MCF2L: variants seen among roughly 807,000 people sequenced by gnomAD.
MCF2L encodes the protein guanine nucleotide exchange factor DBS.
In MCF2L, 97 loss-of-function variants were observed where a neutral mutation model predicts 153.4. The observed-to-expected ratio is 0.63, with a 90% CI of 0.54 to 0.75. MCF2L has a LOEUF of 0.75. MCF2L is among the 30% of genes least tolerant of loss of function. The pLI is 0.00. For synonymous variants in MCF2L, 659 were observed against 632.2 expected (o/e 1.04, Z -0.64); for missense variants, 1,347 against 1,495.2 (o/e 0.90, Z 1.64).
intron 1 of MCF2L, among the ~76,000 whole-genome samples, chr13:112,898,115 C>T (rs1238136093): frequency 3.3e-5 from 5 of 152,240 alleles, no homozygotes; most frequent in Admixed American, 2.6e-4. Context: ...TGGCGATTTA[C>T]AGTGGATGAC....
chr13:113,090,242 C>G lies in MCF2L; in HGVS notation c.2953+514C>G. On this transcript the variant is annotated intron_variant, in intron 26 of 29. Transcript: ENST00000535094. ...CGTGTGTGACCATTCGTGCCTCCTT[C>G]GTCACAAGGGCGGCCACGCAAAAGC... is the stretch of plus-strand genomic sequence containing the variant. 5 of 1,407,420 alleles carry G rather than the reference C, an allele frequency of 3.6e-6. No homozygotes were observed. The South Asian group carries it at 6.2e-5, about 17-fold the overall frequency. The allele number at this position is 1,407,420 out of a possible 1,614,324, so 87.2% of individuals were successfully genotyped here.
chr13:112,996,924 A>G (rs2083159695), intron 1 of MCF2L, among the ~76,000 whole-genome samples: 2 of 152,238 alleles, frequency 1.3e-5, no homozygotes. Flanking sequence ...ACTCCTGCAC[A>G]GATCTGGACG....
chr13:113,092,700 G>A (rs1174012338), intron 26 of MCF2L, among the ~76,000 whole-genome samples: 1 of 152,254 alleles, frequency 6.6e-6, no homozygotes, highest in Admixed American at 6.5e-5. Context: ...AGCTCCTGGT[G>A]CAGCAGTGCT....
upstream of MCF2L, chr13:112,968,565 C>G (rs1472787187): frequency 1.3e-6 from 2 of 1,543,792 alleles, no homozygotes; most frequent in South Asian, 2.4e-5. Flanking sequence ...GCTGGTCCAT[C>G]CCCGGCCAGC....
At chr13:112,979,565 A>G (rs965566396) in intron 1 of MCF2L, 12 of 1,565,922 alleles carry the variant, frequency 7.7e-6, no homozygotes, top group Non-Finnish European at 1.0e-5. Flanking sequence ...CGCAGCAGAG[A>G]CCCGAAGGCT....
intron 3 of MCF2L, chr13:113,044,246 G>T (rs1036754877): frequency 7.9e-6 from 2 of 251,730 alleles, no homozygotes; most frequent in Non-Finnish European, 1.6e-5. Flanking sequence ...ACGGCCAGAT[G>T]CAGACAGGGA....
chr13:113,023,253 C>T (rs753737599), intron 2 of MCF2L, among the ~76,000 whole-genome samples: 2 of 152,194 alleles, frequency 1.3e-5, no homozygotes, highest in African/African-American at 4.8e-5. Context: ...GCTTGTGTGA[C>T]GTCCTGGCCG....
Position 112,935,963 on chromosome 13 carries a change from T to C in MCF2L, c.169+33592T>C, listed in dbSNP as rs190238240. Among the ~76,000 whole-genome samples the C allele has an allele frequency of 2.5e-3, 374 of 152,194 alleles. 8 individuals carry two copies. Among genetic ancestry groups the C allele is most frequent in the Admixed American group, 0.021 (323 of 15,292 alleles). ...GAAGCTGGGAGAGGCCTGGAACCGA[T>C]CCTTCCCTCGCAGCCTCAGAAGGAC... On this transcript the variant is annotated intron_variant, in intron 2 of 29. Transcript: ENST00000375608.
rs1271875662 is a variant in MCF2L, at chr13:112,941,085, T to C, written c.169+38714T>C. Among the ~76,000 whole-genome samples, 2 of 152,170 alleles carry C rather than the reference T, an allele frequency of 1.3e-5. No individual in the cohort carries two copies. The highest frequency in any genetic ancestry group is 2.9e-5 in the Non-Finnish European group (2 of 68,044). On this transcript the variant is annotated intron_variant, in intron 2 of 29. Transcript: ENST00000375608. The surrounding 1 kb of genome is among the most constrained non-coding windows in gnomAD (Gnocchi z 4.9). ...ATCTGGCACCACCATAGGGAGCATA[T>C]TTTTACCATCTTTTCCGCAGGGTCA...
intron 1 of MCF2L, among the ~76,000 whole-genome samples, chr13:112,981,031 G>T (rs2993283): frequency 6.6e-6 from 1 of 150,700 alleles, no homozygotes. Context: ...ACTCTGACAC[G>T]TCCCTTTCCT....
chr13:113,050,276 C>CTGTGAGTA (rs2087140700), intron 4 of MCF2L, among the ~76,000 whole-genome samples: 1 of 149,274 alleles, frequency 6.7e-6, no homozygotes, highest in African/African-American at 2.5e-5. Context: ...GTGTGTGAGA[C>CTGTGAGTA]TGTGAGTGTG....
chr13:113,016,876 C>T (rs1180265069), intron 2 of MCF2L, among the ~76,000 whole-genome samples: 2 of 152,208 alleles, frequency 1.3e-5, no homozygotes, highest in South Asian at 2.1e-4. Flanking sequence ...CCGTGTGTGG[C>T]GTGGGTCCCT....
chr13:113,073,733 G>A (rs1454354945), intron 9 of MCF2L, among the ~76,000 whole-genome samples: 4 of 152,050 alleles, frequency 2.6e-5, no homozygotes, highest in African/African-American at 4.8e-5. Flanking sequence ...TGGCCAACAT[G>A]GTGAAACCCC....
intron 2 of MCF2L, among the ~76,000 whole-genome samples, chr13:112,919,576 T>A (rs188927342): frequency 0.062 from 9,412 of 151,592 alleles, 328 homozygotes; most frequent in South Asian, 0.15. Context: ...TGTTTTGTTT[T>A]AAAAAAAAAT....
rs567432578 is a variant in MCF2L, at chr13:112,940,433, G to A, written c.169+38062G>A. Among the ~76,000 whole-genome samples, 11 of 152,354 alleles carry A rather than the reference G, an allele frequency of 7.2e-5. No homozygotes were observed. In the East Asian group the frequency reaches 2.1e-3, roughly 29 times the overall value. ...CGCCAGGCAAGCCAGATGGCCTTGTGGGCAGTCACTTCCCGTGGTCGGGTG... is the reference window on the plus strand; with the variant it reads ...CGCCAGGCAAGCCAGATGGCCTTGTAGGCAGTCACTTCCCGTGGTCGGGTG... On this transcript the variant is annotated intron_variant, in intron 2 of 29. Coordinates refer to the MCF2L transcript ENST00000375608.
chr13:112,926,865 T>C (rs1206997974), intron 2 of MCF2L, among the ~76,000 whole-genome samples: 1 of 152,178 alleles, frequency 6.6e-6, no homozygotes, highest in South Asian at 2.1e-4. Context: ...GTGACTATAA[T>C]GAATTTCTGA....
At chr13:112,997,115 G>A (rs1430464878) in intron 1 of MCF2L, among the ~76,000 whole-genome samples, 6 of 152,216 alleles carry the variant, frequency 3.9e-5, no homozygotes, top group African/African-American at 9.6e-5. Flanking sequence ...TCGTCCTCAC[G>A]TCTCCATCTG....
At chr13:112,992,638 G>A (rs1341534220) in intron 1 of MCF2L, among the ~76,000 whole-genome samples, 1 of 152,230 alleles carries the variant, frequency 6.6e-6, no homozygotes, top group Non-Finnish European at 1.5e-5. Context: ...ACTGAATAAT[G>A]ATGTGGAAGC....
At chr13:113,072,827 G>A (rs889368939) in intron 9 of MCF2L, among the ~76,000 whole-genome samples, 4 of 151,870 alleles carry the variant, frequency 2.6e-5, no homozygotes, top group African/African-American at 9.7e-5. Flanking sequence ...GTTGTTTTCT[G>A]TTCTCAGTTT....
Sources: gnomAD v4.1 joint callset for allele counts (sites outside exome capture counted in the v4.1 genomes callset) on GRCh38, gnomAD v4.1.1 for gene constraint, Gnocchi (gnomAD v3.1) non-coding constraint, MANE v1.5 for transcripts, NCBI Gene and HGNC (gene_info 2026-07-23, HGNC 2026-07-21) for gene names.